The following CADPS variants were observed in gnomAD, a reference collection of about 807,000 sequenced individuals.
The protein encoded by CADPS is calcium dependent secretion activator.
CADPS carries 57 observed loss-of-function variants against 167.3 expected under a neutral mutation model. That is an observed-to-expected ratio of 0.34 (90% CI 0.28 to 0.42). CADPS has a LOEUF of 0.42. Among genes scored for constraint, CADPS ranks in the 20% least tolerant of loss-of-function variants. The probability of loss-of-function intolerance (pLI) is 1.00; values close to 1 mark genes in which losing one functional copy is unlikely to be tolerated. For missense variants in CADPS, 1,414 were observed against 1,738.1 expected (o/e 0.81, Z 3.32); for synonymous variants, 676 against 635.3 (o/e 1.06, Z -0.96).
At chr3:62,512,115 G>A (rs1449444844) in intron 17 of CADPS, among the ~76,000 whole-genome samples, 1 of 152,132 alleles carries the variant, frequency 6.6e-6, no homozygotes, top group Non-Finnish European at 1.5e-5. Context: ...CTACAAAAAT[G>A]ATGATCCCTA....
chr3:62,497,447 T>C (rs2065008499), intron 18 of CADPS, among the ~76,000 whole-genome samples: 1 of 152,218 alleles, frequency 6.6e-6, no homozygotes, highest in Non-Finnish European at 1.5e-5. Flanking sequence ...GAGATGACTT[T>C]GTAGACACGT....
chr3:62,403,501 T>C (rs566354035), intron 28 of CADPS: 2 of 182,782 alleles, frequency 1.1e-5, no homozygotes, highest in East Asian at 1.4e-4. Context: ...TCTTTTTTAT[T>C]GGTTAATTTT....
intron 4 of CADPS, among the ~76,000 whole-genome samples, chr3:62,654,719 C>T (rs1302113452): frequency 2.6e-5 from 4 of 152,118 alleles, no homozygotes; most frequent in African/African-American, 4.8e-5. Context: ...CTGTATCTTG[C>T]CTCCTCATAC....
chr3:62,584,524 T>C (rs1384229762), intron 8 of CADPS, among the ~76,000 whole-genome samples: 3 of 152,218 alleles, frequency 2.0e-5, no homozygotes, highest in African/African-American at 4.8e-5. Flanking sequence ...TTTTCTGAGA[T>C]AATGACATCC....
At chr3:62,662,206 CT>C (rs1480748963) in intron 4 of CADPS, 107 bp downstream of exon 4, 38 of 970,156 alleles carry the variant, frequency 3.9e-5, no homozygotes, top group Admixed American at 8.9e-5. Flanking sequence ...CTCATCTTCC[CT>C]CCTCTCTGCT....
intron 27 of CADPS, among the ~76,000 whole-genome samples, chr3:62,441,549 T>C (rs989150102): frequency 2.6e-5 from 4 of 152,182 alleles, no homozygotes; most frequent in African/African-American, 9.7e-5. Flanking sequence ...TGACTGGTAC[T>C]AGAACTTCCC....
intron 3 of CADPS, among the ~76,000 whole-genome samples, chr3:62,750,248 G>A (rs1384911152): frequency 6.7e-6 from 1 of 149,626 alleles, no homozygotes. Context: ...CTACTCAGGA[G>A]GCTGAGGCAT....
chr3:62,457,031 A>G (rs944226959), intron 26 of CADPS, among the ~76,000 whole-genome samples: 3 of 152,158 alleles, frequency 2.0e-5, no homozygotes, highest in African/African-American at 7.2e-5. Context: ...TCCAGACAGT[A>G]GAGTAAGATT....
intron 1 of CADPS, among the ~76,000 whole-genome samples, chr3:62,803,685 T>A (rs530072691): frequency 6.6e-6 from 1 of 152,264 alleles, no homozygotes; most frequent in East Asian, 1.9e-4. Context: ...GTGTTAGCAT[T>A]GTCATCTGTA....
intron 1 of CADPS, among the ~76,000 whole-genome samples, chr3:62,774,619 C>T (rs1050768585): frequency 1.3e-5 from 2 of 152,054 alleles, no homozygotes; most frequent in Non-Finnish European, 2.9e-5. Flanking sequence ...AATAACAAAC[C>T]CATCATATGT....
At chr3:62,785,190 T>C in intron 1 of CADPS, among the ~76,000 whole-genome samples, 1 of 152,188 alleles carries the variant, frequency 6.6e-6, no homozygotes, top group East Asian at 1.9e-4. Context: ...TTTATATGTA[T>C]ATATGTTTGA....
chr3:62,663,716 A>G (rs1327359185), intron 3 of CADPS, among the ~76,000 whole-genome samples: 2 of 152,038 alleles, frequency 1.3e-5, no homozygotes, highest in Non-Finnish European at 2.9e-5. Flanking sequence ...ATATATGGTC[A>G]TACTTTTGAA....
intron 3 of CADPS, among the ~76,000 whole-genome samples, chr3:62,666,567 G>T (rs1378912313): frequency 6.6e-6 from 1 of 152,102 alleles, no homozygotes; most frequent in South Asian, 2.1e-4. Context: ...GCGCATAAAG[G>T]CTCTTTACCT....
chr3:62,850,946 A>G (rs916443693), intron 1 of CADPS, among the ~76,000 whole-genome samples: 1 of 151,020 alleles, frequency 6.6e-6, no homozygotes, highest in African/African-American at 2.5e-5. Context: ...TGCTTTATGA[A>G]TCTGGGTGCT....
chr3:62,708,761 G>A (rs2082798724), intron 3 of CADPS, among the ~76,000 whole-genome samples: 1 of 152,030 alleles, frequency 6.6e-6, no homozygotes, highest in South Asian at 2.1e-4. Flanking sequence ...CCTCCACTGT[G>A]GGATCAATGA....
intron 17 of CADPS, among the ~76,000 whole-genome samples, chr3:62,507,966 C>A (rs527584430): frequency 6.6e-6 from 1 of 152,180 alleles, no homozygotes; most frequent in East Asian, 1.9e-4. Flanking sequence ...ATTATTAGCA[C>A]CTTTTATAGA....
chr3:62,611,084 T>A (rs2061439392), intron 6 of CADPS, among the ~76,000 whole-genome samples: 1 of 152,088 alleles, frequency 6.6e-6, no homozygotes, highest in East Asian at 1.9e-4. Flanking sequence ...TCAGTAGCAC[T>A]GAAGCTGAGA....
chr3:62,518,361 G>C, intron 13 of CADPS, 111 bp from the exon 14 acceptor site: 1 of 752,012 alleles, frequency 1.3e-6, no homozygotes. Flanking sequence ...TACAGTGATC[G>C]ATGTGAGCTC....
intron 6 of CADPS, chr3:62,625,206 AT>A (rs1198028554): frequency 6.7e-6 from 1 of 150,344 alleles, no homozygotes; most frequent in Admixed American, 6.6e-5. Context: ...GACTACACAC[AT>A]TAAAAAAAAA....
Sources: gnomAD v4.1 joint callset for allele counts (sites outside exome capture counted in the v4.1 genomes callset) on GRCh38, gnomAD v4.1.1 for gene constraint, MANE v1.5 for transcripts, NCBI Gene and HGNC (gene_info 2026-07-23, HGNC 2026-07-21) for gene names.